The following MYO9B variants were observed in gnomAD, a reference collection of about 807,000 sequenced individuals.
MYO9B encodes the protein unconventional myosin-IXb.
In MYO9B, 71 loss-of-function variants were observed where a neutral mutation model predicts 229.5. The ratio of observed to expected loss-of-function variants is 0.31; its 90% CI spans 0.26 to 0.38. The LOEUF (loss-of-function observed/expected upper bound fraction) is 0.38. Among genes scored for constraint, MYO9B ranks in the 10% least tolerant of loss-of-function variants. The probability of loss-of-function intolerance (pLI) is 1.00; values close to 1 mark genes in which losing one functional copy is unlikely to be tolerated. For missense variants in MYO9B, 2,255 were observed against 2,920.5 expected, an observed-to-expected ratio of 0.77 and a Z score of 5.25; for synonymous variants, 1,185 against 1,235.8, an observed-to-expected ratio of 0.96 and a Z score of 0.86.
intron 21 of MYO9B, 30 bp from the exon 22 acceptor site, chr19:17,194,526 A>G (rs1360110066): frequency 6.2e-7 from 1 of 1,605,044 alleles, no homozygotes; most frequent in Admixed American, 1.7e-5. Context: ...TTTGTTTCTG[A>G]ACCAGCTGTC....
At chr19:17,128,461 G>T (rs1050163320) in intron 2 of MYO9B, among the ~76,000 whole-genome samples, 22 of 152,208 alleles carry the variant, frequency 1.4e-4, no homozygotes, top group African/African-American at 5.3e-4. Flanking sequence ...GTGAAGCACA[G>T]CCCCAGCTCC....
intron 2 of MYO9B, among the ~76,000 whole-genome samples, chr19:17,134,388 T>G (rs1254062365): frequency 1.3e-3 from 117 of 91,638 alleles, no homozygotes; most frequent in Admixed American, 0.01. Context: ...TTTGTTTTTT[T>G]TTTTTTTTTT....
Position 17,200,629 on chromosome 19 carries a change from C to T in MYO9B, c.4373-10C>T. On this transcript the variant is annotated splice_polypyrimidine_tract_variant and intron_variant, in intron 25 of 39. Coordinates refer to ENST00000682292, the MANE Select transcript of MYO9B (RefSeq NM_004145.4). ...CCCACCCTCACCGGCTGCTTCCTGT[C>T]CCCCCTCAGCCCCCTCCGGACAGCA... 3.1e-6 allele frequency: 5 copies of T among 1,606,344 alleles called. No individual in the cohort carries two copies. The highest frequency in any genetic ancestry group is 4.3e-6 in the Non-Finnish European group (5 of 1,176,090).
chr19:17,139,526 C>T (rs531889510), intron 2 of MYO9B, among the ~76,000 whole-genome samples: 22 of 152,160 alleles, frequency 1.4e-4, no homozygotes, highest in Non-Finnish European at 2.8e-4. Context: ...ATGCAGATTG[C>T]TTGAGCCCAG....
chr19:17,150,202 G>A (rs1044503575), intron 3 of MYO9B, among the ~76,000 whole-genome samples: 26 of 152,238 alleles, frequency 1.7e-4, no homozygotes, highest in Non-Finnish European at 3.7e-4. Context: ...CTGAGGCCAG[G>A]AGTTCAAGAC....
intron 2 of MYO9B, among the ~76,000 whole-genome samples, chr19:17,109,383 G>A (rs2057825854): frequency 6.6e-6 from 1 of 152,066 alleles, no homozygotes; most frequent in Non-Finnish European, 1.5e-5. Context: ...CTAATAAGAG[G>A]AATAAGACCT....
In MYO9B at chr19:17,118,218, T is replaced by C. The variant is rs115912009; in HGVS notation, c.840+15661T>C. On this transcript the variant is annotated intron_variant, in intron 2 of 39. Transcript: ENST00000682292. ...AGTGCTGAGGCAGAGAGACCTGCTTTAGTTTAGAGGCCTTTAGAGAGTACA... is the reference window on the plus strand; with the variant it reads ...AGTGCTGAGGCAGAGAGACCTGCTTCAGTTTAGAGGCCTTTAGAGAGTACA... Among the ~76,000 whole-genome samples the C allele has an allele frequency of 1.7e-3, 252 of 152,046 alleles. 2 individuals carry two copies. Among genetic ancestry groups the C allele is most frequent in the African/African-American group, 5.8e-3 (242 of 41,492 alleles).
intron 2 of MYO9B, among the ~76,000 whole-genome samples, chr19:17,135,047 A>AG (rs1388430270): frequency 6.6e-6 from 1 of 152,208 alleles, no homozygotes; most frequent in African/African-American, 2.4e-5. Context: ...TACAGGAGTG[A>AG]GCCACTGAAC....
intron 11 of MYO9B, among the ~76,000 whole-genome samples, chr19:17,170,628 T>C (rs1475559293): frequency 1.6e-5 from 2 of 125,562 alleles, no homozygotes; most frequent in African/African-American, 3.1e-5. Context: ...CTGGGCACCA[T>C]AGTGAGACCC....
intron 2 of MYO9B, among the ~76,000 whole-genome samples, chr19:17,138,009 G>A (rs144916760): frequency 7.9e-4 from 120 of 151,452 alleles, no homozygotes; most frequent in Middle Eastern, 3.4e-3. Context: ...CCATCAACCC[G>A]TCACCTACAT....
In MYO9B at chr19:17,208,353, A is replaced by AAAGCAACT. The variant is rs74332276; in HGVS notation, c.5624+1110_5624+1111insAGCAACTA. Reference sequence around the variant, plus strand: ...GACTCCGTCTCAAAAAAAAAAAAAAAATCCAGATGGCAGTGGCCCCAGCAG... The same window carrying AAAGCAACT: ...GACTCCGTCTCAAAAAAAAAAAAAAAAAGCAACTATCCAGATGGCAGTGGCCCCAGCAG... On this transcript the variant is annotated intron_variant, in intron 35 of 39. Coordinates refer to ENST00000682292, the MANE Select transcript of MYO9B (RefSeq NM_004145.4). Among the ~76,000 whole-genome samples, 78 of 124,616 alleles carry AAAGCAACT rather than the reference A, an allele frequency of 6.3e-4. 9 individuals carry two copies. Among genetic ancestry groups the AAAGCAACT allele is most frequent in the East Asian group, 1.4e-3 (6 of 4,164 alleles). The allele number at this position is 124,616 out of a possible 152,430, so 81.8% of individuals were successfully genotyped here. A position where few individuals can be genotyped will look rare whatever the true frequency, so the allele number is the denominator to read the frequency against.
At position 17,198,169 on chromosome 19, in the gene MYO9B, T is replaced by A. The variant is rs1390322669; in HGVS notation, c.4114-15T>A. ...CAGCCTTTCCTTAGCAGCCCCCCACTGCACCGTCTTGCAGCCTGCAGCAGA... is the reference window on the plus strand; with the variant it reads ...CAGCCTTTCCTTAGCAGCCCCCCACAGCACCGTCTTGCAGCCTGCAGCAGA... On this transcript the variant is annotated splice_polypyrimidine_tract_variant and intron_variant, in intron 23 of 39. Transcript: ENST00000682292. The A allele has an allele frequency of 6.2e-7, 1 of 1,613,310 alleles. No homozygotes were observed. Among genetic ancestry groups the A allele is most frequent in the Non-Finnish European group, 8.5e-7 (1 of 1,179,806 alleles).
At chr19:17,153,868 T>C in intron 4 of MYO9B, 99 bp from the exon 5 acceptor site, 1 of 839,096 alleles carries the variant, frequency 1.2e-6, no homozygotes, top group South Asian at 1.4e-5. Context: ...TTGTACATAT[T>C]TGAGGTGTGC....
intron 2 of MYO9B, among the ~76,000 whole-genome samples, chr19:17,124,192 A>G (rs138484731): frequency 6.6e-6 from 1 of 152,264 alleles, no homozygotes; most frequent in East Asian, 1.9e-4. Flanking sequence ...CCTGGACTCA[A>G]AAATCATTTC....
chr19:17,206,189 C>T lies in MYO9B; in HGVS notation c.5257+37C>T, dbSNP rs747199244. On this transcript the variant is annotated intron_variant, in intron 32 of 39. Transcript: ENST00000682292. ...GGGCAGGTGGGTGCAGTGCCAGGCC[C>T]CAGGCACAGCCGTCCTGCCAGTGCG... is the stretch of plus-strand genomic sequence containing the variant. The T allele has an allele frequency of 7.5e-6, 12 of 1,604,868 alleles. No individual in the cohort carries two copies. The South Asian group carries it at 1.1e-4, about 15-fold the overall frequency.
chr19:17,146,259 A>T (rs186855258), intron 3 of MYO9B, among the ~76,000 whole-genome samples: 1 of 151,706 alleles, frequency 6.6e-6, no homozygotes, highest in Non-Finnish European at 1.5e-5. Context: ...GGATGGATGC[A>T]TTCATGAGTG....
At chr19:17,152,883 C>T (rs2072494428) in intron 4 of MYO9B, 177 bp downstream of exon 4, 9 of 600,016 alleles carry the variant, frequency 1.5e-5, no homozygotes, top group Non-Finnish European at 2.1e-5. Flanking sequence ...GCCCCTGTGG[C>T]CTCACACTTT....
At chr19:17,128,017 T>C (rs1410100307) in intron 2 of MYO9B, among the ~76,000 whole-genome samples, 1 of 152,102 alleles carries the variant, frequency 6.6e-6, no homozygotes, top group Non-Finnish European at 1.5e-5. Context: ...GCAGTAGCCT[T>C]GAACCTCCAA....
At chr19:17,146,326 G>A (rs1315928943) in intron 3 of MYO9B, among the ~76,000 whole-genome samples, 2 of 150,872 alleles carry the variant, frequency 1.3e-5, no homozygotes, top group Non-Finnish European at 3.0e-5. Context: ...AGATTCATGG[G>A]TAGGTGAATG....
Sources: gnomAD v4.1 joint callset for allele counts (sites outside exome capture counted in the v4.1 genomes callset) on GRCh38, gnomAD v4.1.1 for gene constraint, MANE v1.5 for transcripts, NCBI Gene and HGNC (gene_info 2026-07-23, HGNC 2026-07-21) for gene names.